Variants in IFT81 observed in about 807,000 individuals in gnomAD.
The protein encoded by IFT81 is intraflagellar transport protein 81 homolog.
IFT81 carries 72 observed loss-of-function variants against 102.6 expected under a neutral mutation model. The observed-to-expected ratio is 0.70, with a 90% CI of 0.58 to 0.85. IFT81 has a LOEUF of 0.85. Among genes scored for constraint, IFT81 ranks in the 40% least tolerant of loss-of-function variants. The pLI, the probability that IFT81 is intolerant of heterozygous loss-of-function variation, is 0.00. For synonymous variants in IFT81, 237 were observed against 242.7 expected (o/e 0.98, Z 0.22); for missense variants, 723 against 787.3 (o/e 0.92, Z 0.98).
chr12:110,138,581 T>G (rs527766685), intron 8 of IFT81, among the ~76,000 whole-genome samples: 1 of 152,198 alleles, frequency 6.6e-6, no homozygotes, highest in African/African-American at 2.4e-5. Flanking sequence ...TACAGGTGTG[T>G]GCCACCACAC....
At chr12:110,206,895 G>T (rs1441180653) in intron 17 of IFT81, among the ~76,000 whole-genome samples, 1 of 152,068 alleles carries the variant, frequency 6.6e-6, no homozygotes, top group East Asian at 1.9e-4. Flanking sequence ...GATAAGAAAT[G>T]AGAAAAGTTA....
intron 12 of IFT81, among the ~76,000 whole-genome samples, chr12:110,182,096 ACT>A (rs1324086547): frequency 6.6e-6 from 1 of 152,148 alleles, no homozygotes; most frequent in African/African-American, 2.4e-5. Flanking sequence ...CGCTGAGGGC[ACT>A]CTCTGGAGAA....
rs1894006888 is a variant in IFT81, at chr12:110,128,943, C to G, written c.249-7C>G. ...TGTGTGTTTGTGTATGTGTGTTTCT[C>G]TCTTAGGAGTACTTTTCGTCAGGGT... On this transcript the variant is annotated splice_region_variant and splice_polypyrimidine_tract_variant and intron_variant, in intron 3 of 18. Transcript: ENST00000242591. 6.2e-7 allele frequency: 1 copy of G among 1,611,040 alleles called. No individual in the cohort carries two copies. The highest frequency in any genetic ancestry group is 1.3e-5 in the African/African-American group (1 of 74,694).
At chr12:110,152,273 A>G (rs568323889) in intron 10 of IFT81, among the ~76,000 whole-genome samples, 4 of 152,270 alleles carry the variant, frequency 2.6e-5, no homozygotes, top group Non-Finnish European at 5.9e-5. Flanking sequence ...TCCCATCCAC[A>G]GTGTACCAGA....
intron 1 of IFT81, among the ~76,000 whole-genome samples, chr12:110,126,142 C>G (rs1375141512): frequency 6.6e-6 from 1 of 151,950 alleles, no homozygotes; most frequent in African/African-American, 2.4e-5. Context: ...GCCAGGCGTG[C>G]TGGCAGGCGC....
intron 4 of IFT81, among the ~76,000 whole-genome samples, chr12:110,132,190 C>T (rs539315422): frequency 2.8e-4 from 42 of 152,204 alleles, no homozygotes; most frequent in African/African-American, 7.2e-4. Context: ...TATGGCTAGG[C>T]GCGGTGGCTC....
chr12:110,197,598 A>G (rs1356390180), intron 14 of IFT81, among the ~76,000 whole-genome samples: 1 of 145,732 alleles, frequency 6.9e-6, no homozygotes, highest in Non-Finnish European at 1.5e-5. Flanking sequence ...CACTTAACAA[A>G]GTCTAAAGTT....
chr12:110,152,279 C>A (rs1252369412), intron 10 of IFT81, among the ~76,000 whole-genome samples: 1 of 152,134 alleles, frequency 6.6e-6, no homozygotes, highest in East Asian at 1.9e-4. Context: ...CCACAGTGTA[C>A]CAGAGTTCCC....
intron 10 of IFT81, among the ~76,000 whole-genome samples, chr12:110,156,021 A>G (rs1263518909): frequency 6.6e-6 from 1 of 152,210 alleles, no homozygotes; most frequent in Non-Finnish European, 1.5e-5. Context: ...TGTGTGCCCC[A>G]AAACATAAAC....
intron 9 of IFT81, among the ~76,000 whole-genome samples, chr12:110,144,229 T>C (rs1371095365): frequency 1.3e-5 from 2 of 151,920 alleles, no homozygotes; most frequent in East Asian, 3.9e-4. Context: ...TTTTTTGTTT[T>C]TTTTTGAGAC....
chr12:110,203,882 G>A lies in IFT81; in HGVS notation c.1576G>A (p.Asp526Asn), dbSNP rs1898432301. The A allele has an allele frequency of 6.2e-7, 1 of 1,612,950 alleles. No individual in the cohort carries two copies. Among genetic ancestry groups the A allele is most frequent in the Middle Eastern group, 1.7e-4 (1 of 6,058 alleles). The change falls in exon 15 of 19, where the codon GAT (aspartate) becomes AAT (asparagine). Residue 526 changes from aspartate (D) to asparagine (N), a missense_variant. By Grantham distance (23) the Asp-to-Asn change is conservative. Transcript: ENST00000242591. ...ATACTAGGAACTGACCCAGGAGTGT[G>A]ATGAAAAGAAATCCCAGTATGATAG... ...QKYQELTQEC[D>N]EKKSQYDSCA...
At chr12:110,142,720 T>C (rs1447373483) in intron 8 of IFT81, among the ~76,000 whole-genome samples, 1 of 151,510 alleles carries the variant, frequency 6.6e-6, no homozygotes, top group Non-Finnish European at 1.5e-5. Context: ...CAAAACCTCG[T>C]CTCTACAAAA....
rs1380783746 is a variant in IFT81, at chr12:110,124,564, C to A, written c.-319C>A. Reference sequence around the variant, plus strand: ...GGAAGGGGTCGTCGCGGTTAAGCCCCCGGATAGGGGAATCGGGCCCCTTCT... The same window carrying A: ...GGAAGGGGTCGTCGCGGTTAAGCCCACGGATAGGGGAATCGGGCCCCTTCT... On this transcript the variant is annotated 5_prime_UTR_variant, in exon 1 of 19. Coordinates refer to ENST00000242591, the MANE Select transcript of IFT81 (RefSeq NM_014055.4). 3 of 152,340 alleles carry A rather than the reference C, an allele frequency of 2.0e-5. No individual in the cohort carries two copies. Among genetic ancestry groups the A allele is most frequent in the African/African-American group, 7.2e-5 (3 of 41,458 alleles). The allele number at this position is 152,340 out of a possible 1,614,324, so 9.4% of individuals were successfully genotyped here.
chr12:110,183,599 A>T (rs1322131326), intron 12 of IFT81, among the ~76,000 whole-genome samples: 1 of 152,084 alleles, frequency 6.6e-6, no homozygotes, highest in East Asian at 1.9e-4. Context: ...CATCCTTTCC[A>T]CTTGGTTGTT....
intron 8 of IFT81, among the ~76,000 whole-genome samples, chr12:110,139,965 C>T (rs927318563): frequency 1.3e-5 from 2 of 151,564 alleles, no homozygotes; most frequent in African/African-American, 4.8e-5. Flanking sequence ...GTCCAGGAGC[C>T]TGAGGCAGGA....
intron 10 of IFT81, among the ~76,000 whole-genome samples, chr12:110,148,069 CCTAT>C (rs1322572230): frequency 6.6e-6 from 1 of 151,998 alleles, no homozygotes; most frequent in African/African-American, 2.4e-5. Context: ...TTTGCTGTCA[CCTAT>C]CTGTCCCAGA....
chr12:110,212,339 G>A (rs912491600), intron 18 of IFT81, among the ~76,000 whole-genome samples: 2 of 151,924 alleles, frequency 1.3e-5, no homozygotes, highest in African/African-American at 2.4e-5. Flanking sequence ...GAGGTCAGGA[G>A]TTTGAGACCA....
At chr12:110,206,210 T>C (rs925822147) in intron 17 of IFT81, among the ~76,000 whole-genome samples, 1 of 152,210 alleles carries the variant, frequency 6.6e-6, no homozygotes, top group African/African-American at 2.4e-5. Context: ...AATTGTGTGA[T>C]TGCAGTGTAC....
At chr12:110,204,924 CAGT>C (rs1443763142) in intron 15 of IFT81, 2 of 153,110 alleles carry the variant, frequency 1.3e-5, no homozygotes, top group Non-Finnish European at 2.9e-5. Context: ...GCTGGACACA[CAGT>C]AGGTACTTAA....
Sources: allele counts gnomAD v4.1 joint callset (sites outside exome capture counted in the v4.1 genomes callset), GRCh38; gene constraint gnomAD v4.1.1; transcripts MANE v1.5; gene names NCBI Gene and HGNC (gene_info 2026-07-23, HGNC 2026-07-21).